KIF3C: variants seen among roughly 807,000 people sequenced by gnomAD.
KIF3C encodes the protein kinesin family member 3C.
KIF3C carries 12 observed loss-of-function variants against 67.7 expected under a neutral mutation model. That is an observed-to-expected ratio of 0.18 (90% CI 0.11 to 0.29). The LOEUF (loss-of-function observed/expected upper bound fraction) is 0.29. Among genes scored for constraint, KIF3C ranks in the 10% least tolerant of loss-of-function variants. The pLI is 1.00. For synonymous variants in KIF3C, 393 were observed against 426.2 expected, an observed-to-expected ratio of 0.92 and a Z score of 0.96; for missense variants, 789 against 1,059.6, an observed-to-expected ratio of 0.74 and a Z score of 3.55.
intron 5 of KIF3C, among the ~76,000 whole-genome samples, chr2:25,946,200 A>G (rs1663428627): frequency 6.6e-6 from 1 of 152,344 alleles, no homozygotes; most frequent in East Asian, 1.9e-4. Flanking sequence ...TTCCACTGGC[A>G]AAGAACTGAC....
intron 5 of KIF3C, among the ~76,000 whole-genome samples, chr2:25,935,113 T>C (rs1663057392): frequency 6.6e-6 from 1 of 151,790 alleles, no homozygotes; most frequent in Non-Finnish European, 1.5e-5. Context: ...GCATGGTGGC[T>C]CACACCTGTA....
At chr2:25,941,268 C>A (rs1024172179) in intron 5 of KIF3C, among the ~76,000 whole-genome samples, 2 of 152,016 alleles carry the variant, frequency 1.3e-5, no homozygotes, top group Non-Finnish European at 2.9e-5. Context: ...TGTGCCACTG[C>A]ATTCCAGCCT....
At chr2:25,957,795 C>T (rs754089236) in intron 1 of KIF3C, among the ~76,000 whole-genome samples, 5 of 152,182 alleles carry the variant, frequency 3.3e-5, no homozygotes, top group South Asian at 2.1e-4. Context: ...AAGTTGGGCC[C>T]GCCAGAGAGG....
rs937558872 is a variant in KIF3C at position 25,955,067 on chromosome 2, A to G, written c.1770+474T>C. On this transcript the variant is annotated intron_variant, in intron 3 of 7. Coordinates refer to ENST00000264712, the MANE Select transcript of KIF3C (RefSeq NM_002254.8). This position sits in a 1 kb window ranked among gnomAD's most constrained non-coding sequence, Gnocchi z 5.0. ...TGCCCTAGACCCCCCTCACATGTACATGTCTTTCCCTTGCCACGGGCTTTG... is the reference window on the plus strand; with the variant it reads ...TGCCCTAGACCCCCCTCACATGTACGTGTCTTTCCCTTGCCACGGGCTTTG... Among the ~76,000 whole-genome samples the G allele has an allele frequency of 1.3e-5, 2 of 151,944 alleles. No individual in the cohort carries two copies. The highest frequency in any genetic ancestry group is 4.8e-5 in the African/African-American group (2 of 41,390).
At chr2:25,962,022 C>G (rs1490112086) in intron 1 of KIF3C, among the ~76,000 whole-genome samples, 1 of 151,480 alleles carries the variant, frequency 6.6e-6, no homozygotes, top group Non-Finnish European at 1.5e-5. Context: ...ATGAAACAAT[C>G]AAAACTGGGG....
At position 25,955,513 on chromosome 2, in the gene KIF3C, C is replaced by T. The variant is rs765318277; in HGVS notation, c.1770+28G>A. On this transcript the variant is annotated intron_variant, in intron 3 of 7. Coordinates refer to ENST00000264712, the MANE Select transcript of KIF3C (RefSeq NM_002254.8). The surrounding 1 kb of genome is among the most constrained non-coding windows in gnomAD (Gnocchi z 5.0). ...AGAGACTGCTGGGCCTCCAGCACAC[C>T]TTAACCGGTCCTGCTGCAGCGTCTC... 2.5e-6 allele frequency: 4 copies of T among 1,613,206 alleles called. No individual in the cohort carries two copies. The Admixed American group carries it at 5.0e-5, about 20-fold the overall frequency.
In KIF3C at chr2:25,930,812, T is replaced by C. The variant is rs539532400; in HGVS notation, c.2007-749A>G. 2.0e-3 allele frequency among the ~76,000 whole-genome samples: 307 copies of C among 152,246 alleles called. 1 individual carries two copies. The highest frequency in any genetic ancestry group is 7.2e-3 in the African/African-American group (300 of 41,562). On this transcript the variant is annotated intron_variant, in intron 5 of 7. Transcript: ENST00000264712. ...CCTCAACCTCCCGATGTACTGGAAT[T>C]ACAGGCGTGAGCCACCGTGCCTGGC...
At chr2:25,947,897 A>C (rs1418551185) in intron 5 of KIF3C, among the ~76,000 whole-genome samples, 1 of 152,180 alleles carries the variant, frequency 6.6e-6, no homozygotes, top group Non-Finnish European at 1.5e-5. Flanking sequence ...ATTAAAAAAA[A>C]ATTTTAGAGA....
intron 1 of KIF3C, among the ~76,000 whole-genome samples, chr2:25,961,151 G>A (rs1663934787): frequency 2.0e-5 from 3 of 152,312 alleles, no homozygotes; most frequent in Middle Eastern, 3.4e-3. Context: ...GGTTATTACA[G>A]CACATGGGGA....
At chr2:25,960,995 G>A (rs1395892348) in intron 1 of KIF3C, among the ~76,000 whole-genome samples, 1 of 152,232 alleles carries the variant, frequency 6.6e-6, no homozygotes, top group Non-Finnish European at 1.5e-5. Flanking sequence ...GGCCTGCCTG[G>A]CTCCAAAGCC....
At position 25,932,291 on chromosome 2, in the gene KIF3C, C is replaced by T. The variant is rs539294256; in HGVS notation, c.2007-2228G>A. The stretch of plus-strand genomic sequence containing the variant: ...CTGGGATTACAGACATAGGCCACTG[C>T]GCCTGGCCGGTAATTTTTAACTTTT... On this transcript the variant is annotated intron_variant, in intron 5 of 7. Coordinates refer to ENST00000264712, the MANE Select transcript of KIF3C (RefSeq NM_002254.8). 2.2e-4 allele frequency among the ~76,000 whole-genome samples: 34 copies of T among 151,708 alleles called. No homozygotes were observed. In the East Asian group the frequency reaches 5.4e-3, roughly 24 times the overall value.
chr2:25,931,705 T>C (rs957712353), intron 5 of KIF3C, among the ~76,000 whole-genome samples: 19 of 151,890 alleles, frequency 1.3e-4, no homozygotes, highest in Non-Finnish European at 2.9e-5. Context: ...TGGTGCGATC[T>C]CAGTTCACTG....
chr2:25,947,498 G>A (rs984875380), intron 5 of KIF3C, among the ~76,000 whole-genome samples: 2 of 150,334 alleles, frequency 1.3e-5, no homozygotes, highest in Admixed American at 1.3e-4. Context: ...GGAGAATGGC[G>A]TGAACCCGGG....
chr2:25,957,010 G>C (rs1663822169), intron 1 of KIF3C, among the ~76,000 whole-genome samples: 1 of 152,200 alleles, frequency 6.6e-6, no homozygotes, highest in African/African-American at 2.4e-5. Flanking sequence ...AGAGGGCCGG[G>C]AAGACTTGGT....
chr2:25,968,058 C>CT (rs1461530118), intron 1 of KIF3C, among the ~76,000 whole-genome samples: 1 of 152,196 alleles, frequency 6.6e-6, no homozygotes, highest in Non-Finnish European at 1.5e-5. Context: ...CCTTCCCTCA[C>CT]AGACCTATTT....
At chr2:25,929,513 C>A (rs1465276718) in intron 6 of KIF3C, 36 bp from the exon 7 acceptor site, 2 of 1,584,130 alleles carry the variant, frequency 1.3e-6, no homozygotes, top group Non-Finnish European at 1.7e-6. Context: ...TTGAACAGTG[C>A]CCAGTCACTG....
At chr2:25,950,407 A>T (rs1404506657) in intron 5 of KIF3C, among the ~76,000 whole-genome samples, 3 of 151,600 alleles carry the variant, frequency 2.0e-5, no homozygotes, top group Non-Finnish European at 2.9e-5. Flanking sequence ...TTTTTAGTAG[A>T]GATGGGGTTT....
chr2:25,981,704 C>T lies in KIF3C; in HGVS notation c.214G>A (p.Asp72Asn), dbSNP rs201344643. The T allele has an allele frequency of 1.2e-5, 20 of 1,613,798 alleles. No individual in the cohort carries two copies. Among genetic ancestry groups the T allele is most frequent in the Non-Finnish European group, 1.5e-5 (18 of 1,179,804 alleles). The change falls in exon 1 of 8, where the codon GAC becomes AAC. Residue 72 changes from aspartate to asparagine, a missense_variant. Physicochemically the swap from Asp to Asn is conservative, Grantham distance 23 (BLOSUM62 1). This residue lies in a region of KIF3C where 141 missense variants were observed against 251.8 expected (regional missense o/e 0.56). Coordinates refer to ENST00000264712, the MANE Select transcript of KIF3C (RefSeq NM_002254.8). The surrounding 1 kb of genome is among the most constrained non-coding windows in gnomAD (Gnocchi z 8.2). ...AVYDASSKQA[D>N]LYDETVRPLI... ...GGCCTCACGGTTTCGTCATACAGGTCGGCCTGCTTGGAGCTGGCATCATAC... is the reference window on the plus strand; with the variant it reads ...GGCCTCACGGTTTCGTCATACAGGTTGGCCTGCTTGGAGCTGGCATCATAC...
intron 1 of KIF3C, among the ~76,000 whole-genome samples, chr2:25,978,862 C>A (rs1006531661): frequency 6.6e-6 from 1 of 152,104 alleles, no homozygotes; most frequent in African/African-American, 2.4e-5. Context: ...CCTCTAATAT[C>A]TTGCTTCTCT....
Sources: gnomAD v4.1 joint callset for allele counts (sites outside exome capture counted in the v4.1 genomes callset) on GRCh38, gnomAD v4.1.1 for gene constraint, gnomAD v4.1.1 regional missense constraint, Gnocchi (gnomAD v3.1) non-coding constraint, MANE v1.5 for transcripts, NCBI Gene and HGNC (gene_info 2026-07-23, HGNC 2026-07-21) for gene names.